The following STXBP4 variants were observed in gnomAD, a reference collection of about 807,000 sequenced individuals.
STXBP4 encodes the protein syntaxin-binding protein 4.
In STXBP4, 55 loss-of-function variants were observed where a neutral mutation model predicts 76.1. The ratio of observed to expected loss-of-function variants is 0.72; its 90% CI spans 0.58 to 0.91. The LOEUF (loss-of-function observed/expected upper bound fraction) is 0.91. Among genes scored for constraint, STXBP4 ranks in the 40% least tolerant of loss-of-function variants. The probability of loss-of-function intolerance (pLI) is 0.00; values close to 1 mark genes in which losing one functional copy is unlikely to be tolerated. For synonymous variants in STXBP4, 201 were observed against 220.2 expected, an observed-to-expected ratio of 0.91 and a Z score of 0.77; for missense variants, 618 against 636.9, an observed-to-expected ratio of 0.97 and a Z score of 0.32.
intron 16 of STXBP4, among the ~76,000 whole-genome samples, chr17:55,117,021 G>A (rs1303464231): frequency 6.6e-6 from 1 of 151,674 alleles, no homozygotes; most frequent in African/African-American, 2.4e-5. Flanking sequence ...CTTTCTAGAA[G>A]GAAATTTCTC....
At chr17:55,096,152 GGTTTT>G (rs1366964939) in intron 16 of STXBP4, among the ~76,000 whole-genome samples, 1 of 151,786 alleles carries the variant, frequency 6.6e-6, no homozygotes, top group African/African-American at 2.4e-5. Flanking sequence ...TGTGTGTTTG[GGTTTT>G]GTTTTGTTTT....
At chr17:54,990,993 C>T (rs774852503) in intron 4 of STXBP4, 36 bp downstream of exon 4, 4 of 1,483,488 alleles carry the variant, frequency 2.7e-6, no homozygotes, top group Non-Finnish European at 3.6e-6. Context: ...AAAATACAAA[C>T]AAAAAGACCC....
rs537841669 is a variant in STXBP4 at position 54,968,802 on chromosome 17, T to C, written c.-170T>C. On this transcript the variant is annotated 5_prime_UTR_variant, in exon 1 of 18. Coordinates refer to ENST00000376352, the MANE Select transcript of STXBP4 (RefSeq NM_178509.6). The stretch of plus-strand genomic sequence containing the variant: ...TTGCAGTCGGGCTACGGAGGCCGGG[T>C]TGCCAGATTACGGGTAAGTTTGCGT... 2.9e-5 allele frequency: 23 copies of C among 787,952 alleles called. No homozygotes were observed. The East Asian group carries it at 4.9e-4, about 17-fold the overall frequency. The allele number at this position is 787,952 out of a possible 1,614,324, so 48.8% of individuals were successfully genotyped here.
chr17:55,071,576 T>C (rs1179392145), intron 12 of STXBP4, among the ~76,000 whole-genome samples: 1 of 152,220 alleles, frequency 6.6e-6, no homozygotes, highest in African/African-American at 2.4e-5. Context: ...ATTTACTGTC[T>C]ATCTCCCCAA....
intron 8 of STXBP4, among the ~76,000 whole-genome samples, chr17:55,026,674 A>G (rs1193806269): frequency 1.3e-5 from 2 of 152,196 alleles, no homozygotes; most frequent in African/African-American, 4.8e-5. Flanking sequence ...AGAGCATAGC[A>G]TGCATTTGCA....
intron 1 of STXBP4, among the ~76,000 whole-genome samples, chr17:54,970,981 T>TA (rs35999340): frequency 0.75 from 114,835 of 152,122 alleles, 43,778 homozygotes; most frequent in African/African-American, 0.84. Context: ...GAATGACAAC[T>TA]AAATATTTTG....
chr17:55,180,778 G>C, the STXBP4 span, among the ~76,000 whole-genome samples: 1 of 152,148 alleles, frequency 6.6e-6, no homozygotes, highest in Admixed American at 6.5e-5. Flanking sequence ...AGAAACTTAG[G>C]TTTGGCTCAG....
chr17:55,015,219 A>G (rs2078184548), intron 8 of STXBP4, among the ~76,000 whole-genome samples: 1 of 152,132 alleles, frequency 6.6e-6, no homozygotes, highest in African/African-American at 2.4e-5. Flanking sequence ...AATAATTCAT[A>G]GGCTTCTTCC....
chr17:55,030,940 G>A (rs1457335211), intron 8 of STXBP4: 1 of 392,250 alleles, frequency 2.5e-6, no homozygotes, highest in South Asian at 4.1e-5. Flanking sequence ...CATAAATTTG[G>A]TATTAGCTAA....
At chr17:54,972,498 T>G (rs146288013) in intron 1 of STXBP4, among the ~76,000 whole-genome samples, 2 of 152,334 alleles carry the variant, frequency 1.3e-5, no homozygotes, top group Non-Finnish European at 2.9e-5. Flanking sequence ...TTTAATCAAT[T>G]TATTACTATT....
chr17:54,992,608 T>C (rs1238723794), intron 4 of STXBP4, among the ~76,000 whole-genome samples: 1 of 151,298 alleles, frequency 6.6e-6, no homozygotes, highest in African/African-American at 2.4e-5. Flanking sequence ...TGTGTGTCTG[T>C]GTGTGTGTGT....
chr17:55,172,016 A>C lies in STXBP4; in HGVS notation c.*12105A>C, dbSNP rs2080409225. On this transcript the variant is annotated 3_prime_UTR_variant, in exon 18 of 18. Coordinates refer to ENST00000376352, the MANE Select transcript of STXBP4 (RefSeq NM_178509.6). ...TGAGTGACTGGTCCCACTGTTGGTC[A>C]TTCTTTGTAGATGTGAGTTATTGCC... The C allele has an allele frequency of 1.3e-5, 2 of 152,246 alleles. No individual in the cohort carries two copies. The highest frequency in any genetic ancestry group is 4.8e-5 in the African/African-American group (2 of 41,466). 9.4% of individuals were successfully genotyped at this position (152,246 alleles called of 1,614,324 possible).
intron 1 of STXBP4, among the ~76,000 whole-genome samples, chr17:54,984,957 C>T (rs896679146): frequency 1.3e-5 from 2 of 152,100 alleles, no homozygotes; most frequent in Non-Finnish European, 2.9e-5. Context: ...TTCCCATTTA[C>T]TCTTCAACAT....
At chr17:55,039,029 A>G (rs1474978506) in intron 10 of STXBP4, among the ~76,000 whole-genome samples, 1 of 152,186 alleles carries the variant, frequency 6.6e-6, no homozygotes, top group East Asian at 1.9e-4. Flanking sequence ...TAACGAAAAC[A>G]CGAAATATAT....
intron 10 of STXBP4, among the ~76,000 whole-genome samples, chr17:55,037,842 T>C (rs2078630583): frequency 6.6e-6 from 1 of 152,172 alleles, no homozygotes; most frequent in Non-Finnish European, 1.5e-5. Flanking sequence ...ATGGGTGATG[T>C]AACAGTCTGA....
chr17:55,087,621 C>G (rs929700219), intron 16 of STXBP4, among the ~76,000 whole-genome samples: 8 of 152,070 alleles, frequency 5.3e-5, no homozygotes, highest in African/African-American at 7.2e-5. Flanking sequence ...TAGGCCGGTC[C>G]CATGCTGTTT....
downstream of STXBP4, among the ~76,000 whole-genome samples, chr17:55,177,847 GTGAAAGTAAATACC>G (rs1849504539): frequency 6.6e-6 from 1 of 152,232 alleles, no homozygotes; most frequent in South Asian, 2.1e-4. Flanking sequence ...ACATGCCTGA[GTGAAAGTAAATACC>G]AAACACCTTT....
intron 8 of STXBP4, among the ~76,000 whole-genome samples, chr17:55,015,321 A>G (rs2078186666): frequency 6.6e-6 from 1 of 152,154 alleles, no homozygotes; most frequent in Admixed American, 6.5e-5. Context: ...GAGGGTCTAC[A>G]CTGGGAACTG....
intron 7 of STXBP4, among the ~76,000 whole-genome samples, chr17:55,001,643 A>G (rs2077918235): frequency 6.6e-6 from 1 of 152,186 alleles, no homozygotes. Flanking sequence ...AGAACTGAAA[A>G]ATAAGGAAGC....
Sources: gnomAD v4.1 joint callset for allele counts (sites outside exome capture counted in the v4.1 genomes callset) on GRCh38, gnomAD v4.1.1 for gene constraint, MANE v1.5 for transcripts, NCBI Gene and HGNC (gene_info 2026-07-23, HGNC 2026-07-21) for gene names.